MAML3: variants seen among roughly 807,000 people sequenced by gnomAD.
The protein encoded by MAML3 is mastermind-like protein 3.
MAML3 carries 27 observed loss-of-function variants against 101.9 expected under a neutral mutation model. That is an observed-to-expected ratio of 0.27 (90% CI 0.20 to 0.37). The LOEUF (loss-of-function observed/expected upper bound fraction) is 0.37. Among genes scored for constraint, MAML3 ranks in the 10% least tolerant of loss-of-function variants. The pLI is 1.00. For missense variants in MAML3, 1,316 were observed against 1,444.9 expected (o/e 0.91, Z 1.45); for synonymous variants, 501 against 555.9 (o/e 0.90, Z 1.39).
chr4:140,116,367 C>G (rs184931973), intron 1 of MAML3, among the ~76,000 whole-genome samples: 2 of 152,276 alleles, frequency 1.3e-5, no homozygotes, highest in African/African-American at 4.8e-5. Context: ...TCAGGAAGAT[C>G]CTTACTCAAA....
intron 2 of MAML3, among the ~76,000 whole-genome samples, chr4:139,749,970 G>C (rs758457899): frequency 6.8e-6 from 1 of 147,334 alleles, no homozygotes; most frequent in Non-Finnish European, 1.5e-5. Context: ...GCAAGGAACA[G>C]CTATCATTTC....
At chr4:140,069,365 GAA>G (rs1403889169) in intron 1 of MAML3, among the ~76,000 whole-genome samples, 20 of 126,482 alleles carry the variant, frequency 1.6e-4, no homozygotes, top group African/African-American at 5.4e-4. Context: ...AGAAGGAGAA[GAA>G]GAAGAAGAAG....
intron 2 of MAML3, among the ~76,000 whole-genome samples, chr4:139,821,859 C>A (rs1241888617): frequency 6.6e-6 from 1 of 152,244 alleles, no homozygotes; most frequent in Non-Finnish European, 1.5e-5. Flanking sequence ...CAGTACTATA[C>A]TATTCACAAC....
intron 1 of MAML3, among the ~76,000 whole-genome samples, chr4:140,081,595 G>A (rs1416005187): frequency 6.6e-6 from 1 of 152,204 alleles, no homozygotes; most frequent in East Asian, 1.9e-4. Context: ...AGATGAGGGA[G>A]GAATAAGTCA....
chr4:140,067,642 A>G (rs1727563248), intron 1 of MAML3, among the ~76,000 whole-genome samples: 1 of 152,164 alleles, frequency 6.6e-6, no homozygotes, highest in Non-Finnish European at 1.5e-5. Flanking sequence ...TAAATATAAC[A>G]TAAGTCTGAA....
chr4:139,949,978 C>T (rs1733805526), intron 1 of MAML3, among the ~76,000 whole-genome samples: 1 of 152,192 alleles, frequency 6.6e-6, no homozygotes, highest in Admixed American at 6.5e-5. Flanking sequence ...ATTCTGCCTT[C>T]GGACTGCAAC....
intron 1 of MAML3, among the ~76,000 whole-genome samples, chr4:139,999,826 A>C (rs1347809924): frequency 6.6e-6 from 1 of 152,244 alleles, no homozygotes; most frequent in Non-Finnish European, 1.5e-5. Flanking sequence ...TTAAAGATTT[A>C]GGTTAAGCCA....
At chr4:139,789,853 G>A (rs1730373053) in intron 2 of MAML3, among the ~76,000 whole-genome samples, 1 of 152,084 alleles carries the variant, frequency 6.6e-6, no homozygotes. Context: ...TGAAACAGGT[G>A]TGGAGGGACT....
At chr4:140,000,122 C>T (rs1461824785) in intron 1 of MAML3, among the ~76,000 whole-genome samples, 1 of 152,160 alleles carries the variant, frequency 6.6e-6, no homozygotes, top group East Asian at 1.9e-4. Flanking sequence ...TTCAGTTAAT[C>T]TCAGGCAAGC....
chr4:140,115,340 T>C (rs1728501061), intron 1 of MAML3, among the ~76,000 whole-genome samples: 1 of 152,238 alleles, frequency 6.6e-6, no homozygotes, highest in African/African-American at 2.4e-5. Flanking sequence ...GCTTTCACTC[T>C]CAATTTTCAC....
intron 1 of MAML3, among the ~76,000 whole-genome samples, chr4:140,060,382 A>AAAAAAAAAAAAAAAAAAAAAAAAAAC: frequency 2.0e-5 from 3 of 148,552 alleles, no homozygotes; most frequent in Non-Finnish European, 3.0e-5. Flanking sequence ...AAAAAAAAAA[A>AAAAAAAAAAAAAAAAAAAAAAAAAAC]AAAGTCACAA....
chr4:139,930,773 C>T (rs1014760495), intron 1 of MAML3, among the ~76,000 whole-genome samples: 1 of 152,140 alleles, frequency 6.6e-6, no homozygotes, highest in Non-Finnish European at 1.5e-5. Context: ...TGACACTAGA[C>T]ATCTGTACTT....
chr4:140,130,417 T>A (rs1294785563), intron 1 of MAML3, among the ~76,000 whole-genome samples: 1 of 152,224 alleles, frequency 6.6e-6, no homozygotes, highest in Non-Finnish European at 1.5e-5. Flanking sequence ...TTATGTTGTA[T>A]GAGATAGTCT....
intron 1 of MAML3, among the ~76,000 whole-genome samples, chr4:139,961,098 A>C (rs148412990): frequency 3.2e-4 from 49 of 152,276 alleles, no homozygotes; most frequent in African/African-American, 1.1e-3. Flanking sequence ...CTGCACTACC[A>C]GCTAAGAAGC....
At chr4:139,906,685 TAA>T (rs1238648466) in intron 1 of MAML3, among the ~76,000 whole-genome samples, 1 of 152,198 alleles carries the variant, frequency 6.6e-6, no homozygotes, top group Non-Finnish European at 1.5e-5. Context: ...AACTGTAGAG[TAA>T]AAAGTATGTA....
At chr4:139,736,167 AT>A (rs1491350873) in intron 2 of MAML3, among the ~76,000 whole-genome samples, 1 of 152,068 alleles carries the variant, frequency 6.6e-6, no homozygotes, top group Non-Finnish European at 1.5e-5. Context: ...GTAAAAAAAA[AT>A]TTTTTTTAAA....
Position 140,092,228 on chromosome 4 carries a change from C to T in MAML3, c.468+60632G>A, listed in dbSNP as rs75023353. On this transcript the variant is annotated intron_variant, in intron 1 of 4. Coordinates refer to ENST00000509479, the MANE Select transcript of MAML3 (RefSeq NM_018717.5). Reference sequence around the variant, plus strand: ...CCCCGATGCAGACACCGAAACCTTGCGACTGAGCATCAACAGGTGCCTTCC... The same window carrying T: ...CCCCGATGCAGACACCGAAACCTTGTGACTGAGCATCAACAGGTGCCTTCC... 4.3e-4 allele frequency among the ~76,000 whole-genome samples: 66 copies of T among 151,832 alleles called. 1 individual carries two copies. The East Asian group carries it at 0.011, about 26-fold the overall frequency.
chr4:140,147,640 G>C (rs1729087794), intron 1 of MAML3, among the ~76,000 whole-genome samples: 1 of 152,194 alleles, frequency 6.6e-6, no homozygotes, highest in Non-Finnish European at 1.5e-5. Context: ...TGAAAATCTT[G>C]ACAGTGAGTT....
chr4:139,760,610 A>G (rs1232178169), intron 2 of MAML3, among the ~76,000 whole-genome samples: 1 of 152,232 alleles, frequency 6.6e-6, no homozygotes, highest in Non-Finnish European at 1.5e-5. Flanking sequence ...TCATTGCCCA[A>G]AGGAACAGTA....
Sources: allele counts gnomAD v4.1 joint callset (sites outside exome capture counted in the v4.1 genomes callset), GRCh38; gene constraint gnomAD v4.1.1; transcripts MANE v1.5; gene names NCBI Gene and HGNC (gene_info 2026-07-23, HGNC 2026-07-21).